Variants in SLC4A4 observed in about 807,000 individuals in gnomAD.
SLC4A4 encodes the protein electrogenic sodium bicarbonate cotransporter 1.
In SLC4A4, 27 loss-of-function variants were observed where a neutral mutation model predicts 111.5. The ratio of observed to expected loss-of-function variants is 0.24; its 90% confidence interval spans 0.18 to 0.33. The LOEUF is 0.33. Ranked by LOEUF, SLC4A4 falls within the 10% of genes least tolerant of loss-of-function variation. The pLI, the probability that SLC4A4 is intolerant of heterozygous loss-of-function variation, is 1.00. For synonymous variants in SLC4A4, 443 were observed against 463.4 expected (o/e 0.96, Z 0.57); for missense variants, 909 against 1,315.5 (o/e 0.69, Z 4.78).
chr4:71,404,434 A>G (rs1720649516), intron 7 of SLC4A4, among the ~76,000 whole-genome samples: 1 of 152,240 alleles, frequency 6.6e-6, no homozygotes, highest in African/African-American at 2.4e-5. Flanking sequence ...CCCTGTATTC[A>G]ACATTTAACC....
chr4:71,357,106 A>G lies in SLC4A4; in HGVS notation c.649A>G (p.Lys217Glu). 1 of 1,614,182 alleles carries G rather than the reference A, an allele frequency of 6.2e-7. No individual in the cohort carries two copies. Among genetic ancestry groups the G allele is most frequent in the South Asian group, 1.1e-5 (1 of 91,084 alleles). ...GCTCCGGAAGCACCGGCATCAAACCAAGAAATCCAACCTTCGGTCCCTGGC... is the reference window on the plus strand; with the variant it reads ...GCTCCGGAAGCACCGGCATCAAACCGAGAAATCCAACCTTCGGTCCCTGGC... Reference protein sequence around the residue: ...TLLRKHRHQTKKSNLRSLADI... With the variant: ...TLLRKHRHQTEKSNLRSLADI... The change falls in exon 6 of 26, where the codon AAG becomes GAG. Residue 217 changes from lysine (K) to glutamate (E), a missense_variant. Physicochemically the swap from Lys to Glu is moderately conservative, Grantham distance 56. This residue lies in a region of SLC4A4 where 312 missense variants were observed against 402.0 expected (regional missense o/e 0.78). Coordinates refer to ENST00000264485, the MANE Select transcript of SLC4A4 (RefSeq NM_001098484.3).
chr4:71,342,526 A>G (rs1728977337), intron 4 of SLC4A4, among the ~76,000 whole-genome samples: 1 of 152,144 alleles, frequency 6.6e-6, no homozygotes, highest in Admixed American at 6.6e-5. Context: ...CCTCCCTAAC[A>G]TTATATATAT....
chr4:71,292,833 GT>G (rs1210782035), intron 3 of SLC4A4, among the ~76,000 whole-genome samples: 3 of 133,386 alleles, frequency 2.2e-5, no homozygotes, highest in Non-Finnish European at 3.2e-5. Flanking sequence ...CTTACTTTTG[GT>G]TTTTTTTGTT....
chr4:71,169,818 C>A (rs1349832009), intron 2 of SLC4A4, among the ~76,000 whole-genome samples: 1 of 152,214 alleles, frequency 6.6e-6, no homozygotes. Context: ...TAAATTTGAT[C>A]ATGTGCCACC....
intron 4 of SLC4A4, among the ~76,000 whole-genome samples, chr4:71,340,380 A>G (rs1274907547): frequency 1.3e-5 from 2 of 152,224 alleles, no homozygotes; most frequent in African/African-American, 2.4e-5. Flanking sequence ...CCACACTTAT[A>G]TAACTGTTAT....
intron 1 of SLC4A4, among the ~76,000 whole-genome samples, chr4:71,194,106 G>A (rs1457782825): frequency 6.6e-6 from 1 of 152,184 alleles, no homozygotes; most frequent in East Asian, 1.9e-4. Context: ...ATGGAGATTT[G>A]TATTTGGAAG....
rs533659827 is a variant in SLC4A4 at position 71,283,262 on chromosome 4, G to A, written c.253+27863G>A. 3.7e-3 allele frequency among the ~76,000 whole-genome samples: 566 copies of A among 152,286 alleles called. 1 individual carries two copies. Among genetic ancestry groups the A allele is most frequent in the Middle Eastern group, 0.014 (4 of 294 alleles). ...TCATTGCCTTTTGAAGCATTTGAAT[G>A]AAAAGCTGAATTCCATCTTTGTGTG... On this transcript the variant is annotated intron_variant, in intron 3 of 25. Transcript: ENST00000264485.
At chr4:71,142,543 A>G (rs1744027944) in intron 2 of SLC4A4, among the ~76,000 whole-genome samples, 2 of 151,948 alleles carry the variant, frequency 1.3e-5, no homozygotes, top group African/African-American at 4.8e-5. Flanking sequence ...GAAAGGTCTC[A>G]CTCTGTTACC....
In SLC4A4 at chr4:71,533,698, A is replaced by T. The variant is rs547614628; in HGVS notation, c.2281-529A>T. Among the ~76,000 whole-genome samples, 235 of 152,140 alleles carry T rather than the reference A, an allele frequency of 1.5e-3. 2 individuals carry two copies. Among genetic ancestry groups the T allele is most frequent in the South Asian group, 5.4e-3 (26 of 4,828 alleles). On this transcript the variant is annotated intron_variant, in intron 17 of 25. Transcript: ENST00000264485. The stretch of plus-strand genomic sequence containing the variant: ...TTTACATTAGTTCACTTATATAAAA[A>T]CAGTTATGGCTTTTTATATATATTA...
intron 3 of SLC4A4, among the ~76,000 whole-genome samples, chr4:71,314,449 T>C (rs1726497843): frequency 6.6e-6 from 1 of 152,168 alleles, no homozygotes; most frequent in African/African-American, 2.4e-5. Flanking sequence ...AACATTGTAC[T>C]ATAAAGACAC....
intron 14 of SLC4A4, among the ~76,000 whole-genome samples, chr4:71,483,472 G>C (rs1729077297): frequency 6.6e-6 from 1 of 151,826 alleles, no homozygotes; most frequent in African/African-American, 2.4e-5. Flanking sequence ...ATGGCCTCCA[G>C]TTCCATCCAT....
At chr4:71,435,098 C>T (rs1432135257) in intron 7 of SLC4A4, among the ~76,000 whole-genome samples, 1 of 151,580 alleles carries the variant, frequency 6.6e-6, no homozygotes, top group Admixed American at 6.6e-5. Context: ...ACCGCATATC[C>T]AAGACAATCC....
At chr4:71,528,274 T>C (rs1362433503) in intron 16 of SLC4A4, among the ~76,000 whole-genome samples, 1 of 152,148 alleles carries the variant, frequency 6.6e-6, no homozygotes, top group African/African-American at 2.4e-5. Context: ...TGAGAATATA[T>C]GTTAATGCCA....
At chr4:71,560,065 T>G (rs1578187997) in intron 22 of SLC4A4, 28 bp from the exon 23 acceptor site, 1 of 1,568,046 alleles carries the variant, frequency 6.4e-7, no homozygotes. Context: ...CATGGTTTCT[T>G]TCATACTTTT....
intron 23 of SLC4A4, among the ~76,000 whole-genome samples, chr4:71,561,412 T>C (rs989207532): frequency 1.3e-5 from 2 of 151,840 alleles, no homozygotes; most frequent in Non-Finnish European, 2.9e-5. Flanking sequence ...TACACAGCCA[T>C]AGTGGCAAGG....
At chr4:71,146,241 C>T (rs1312012949) in intron 2 of SLC4A4, among the ~76,000 whole-genome samples, 1 of 152,116 alleles carries the variant, frequency 6.6e-6, no homozygotes, top group Admixed American at 6.5e-5. Flanking sequence ...GTTCAGTTTC[C>T]ATGTAGTTGA....
intron 1 of SLC4A4, among the ~76,000 whole-genome samples, chr4:71,219,203 G>A (rs773391652): frequency 1.2e-4 from 19 of 152,186 alleles, no homozygotes; most frequent in Admixed American, 7.2e-4. Context: ...GCCTCTTGCC[G>A]CAATCGTTAG....
At chr4:71,536,484 A>ATATATATATATG (rs1456558456) in intron 18 of SLC4A4, among the ~76,000 whole-genome samples, 4 of 106,322 alleles carry the variant, frequency 3.8e-5, no homozygotes, top group Admixed American at 1.1e-4. Flanking sequence ...ATATATATAT[A>ATATATATATATG]TATGTATATA....
At chr4:71,558,302 A>C (rs1281705877) in intron 22 of SLC4A4, among the ~76,000 whole-genome samples, 1 of 151,964 alleles carries the variant, frequency 6.6e-6, no homozygotes, top group Non-Finnish European at 1.5e-5. Flanking sequence ...AGGACATTTC[A>C]GTTCAAGTAA....
Sources: allele counts gnomAD v4.1 joint callset (sites outside exome capture counted in the v4.1 genomes callset), GRCh38; gene constraint gnomAD v4.1.1; regional missense constraint gnomAD v4.1.1; transcripts MANE v1.5; gene names NCBI Gene and HGNC (gene_info 2026-07-23, HGNC 2026-07-21).